Variants in MARK1 observed in about 807,000 individuals in gnomAD.
MARK1 encodes microtubule affinity regulating kinase 1.
MARK1 carries 40 observed loss-of-function variants against 96.3 expected under a neutral mutation model. The ratio of observed to expected loss-of-function variants is 0.42; its 90% CI spans 0.32 to 0.54. The LOEUF (loss-of-function observed/expected upper bound fraction) is 0.54, where lower values mean the gene tolerates loss of function less well. Among genes scored for constraint, MARK1 ranks in the 20% least tolerant of loss-of-function variants. MARK1 has a pLI of 0.16. For synonymous variants in MARK1, 317 were observed against 341.2 expected (o/e 0.93, Z 0.78); for missense variants, 719 against 984.6 (o/e 0.73, Z 3.61).
intron 11 of MARK1, among the ~76,000 whole-genome samples, chr1:220,635,122 C>T (rs1407236185): frequency 2.6e-5 from 4 of 151,938 alleles, no homozygotes; most frequent in Non-Finnish European, 5.9e-5. Context: ...GCTGTTATTT[C>T]GTATTTTGAC....
chr1:220,535,433 CAA>C (rs1178843936), intron 1 of MARK1, among the ~76,000 whole-genome samples: 6 of 152,038 alleles, frequency 3.9e-5, no homozygotes, highest in Middle Eastern at 3.4e-3. Flanking sequence ...TTTTTTAAAT[CAA>C]GTTTGCATAT....
intron 3 of MARK1, among the ~76,000 whole-genome samples, chr1:220,591,660 G>A (rs1046593144): frequency 6.6e-6 from 1 of 152,134 alleles, no homozygotes; most frequent in African/African-American, 2.4e-5. Flanking sequence ...ATTATTAAAA[G>A]TTATATAAAC....
chr1:220,545,168 G>C (rs1661396175), intron 1 of MARK1, among the ~76,000 whole-genome samples: 1 of 152,210 alleles, frequency 6.6e-6, no homozygotes, highest in African/African-American at 2.4e-5. Context: ...GGGCATTCGG[G>C]GTGGAAGGTG....
intron 1 of MARK1, among the ~76,000 whole-genome samples, chr1:220,552,630 T>C (rs1240989677): frequency 6.6e-6 from 1 of 152,190 alleles, no homozygotes; most frequent in African/African-American, 2.4e-5. Flanking sequence ...TGGAATACCA[T>C]GATGCTAAAG....
At chr1:220,556,137 C>T (rs572655381) in intron 1 of MARK1, among the ~76,000 whole-genome samples, 1 of 152,156 alleles carries the variant, frequency 6.6e-6, no homozygotes, top group South Asian at 2.1e-4. Context: ...ACGGTATCAG[C>T]ACCATCTGTG....
At chr1:220,611,406 C>G (rs931900100) in intron 6 of MARK1, among the ~76,000 whole-genome samples, 122 of 152,368 alleles carry the variant, frequency 8.0e-4, no homozygotes, top group African/African-American at 2.8e-3. Flanking sequence ...ATCACCTTGT[C>G]TGCTGGTTGC....
chr1:220,555,975 C>G (rs1031003615), intron 1 of MARK1, among the ~76,000 whole-genome samples: 2 of 152,236 alleles, frequency 1.3e-5, no homozygotes, highest in South Asian at 2.1e-4. Context: ...AGTTTATTAA[C>G]TACATAACTG....
intron 6 of MARK1, among the ~76,000 whole-genome samples, chr1:220,608,862 G>A (rs147986140): frequency 4.5e-4 from 68 of 152,260 alleles, no homozygotes; most frequent in African/African-American, 1.5e-3. Flanking sequence ...GTAGTTGTGC[G>A]GTTTTGAGTG....
intron 1 of MARK1, among the ~76,000 whole-genome samples, chr1:220,535,587 C>A (rs942938885): frequency 1.3e-5 from 2 of 152,030 alleles, no homozygotes; most frequent in Non-Finnish European, 2.9e-5. Flanking sequence ...AAATCTTTGT[C>A]AAGACCAATA....
intron 1 of MARK1, among the ~76,000 whole-genome samples, chr1:220,569,366 T>C (rs1348897481): frequency 1.3e-5 from 2 of 152,118 alleles, no homozygotes; most frequent in Non-Finnish European, 2.9e-5. Context: ...TCAACTACTG[T>C]CTTTTAAATT....
At chr1:220,653,527 TAAGA>T (rs1046061462) in intron 16 of MARK1, among the ~76,000 whole-genome samples, 175 bp downstream of exon 16, 1 of 152,108 alleles carries the variant, frequency 6.6e-6, no homozygotes, top group Non-Finnish European at 1.5e-5. Flanking sequence ...TATTTTTCCT[TAAGA>T]GAGAGAAAGG....
intron 1 of MARK1, among the ~76,000 whole-genome samples, chr1:220,569,654 T>C (rs1471096831): frequency 6.6e-6 from 1 of 152,138 alleles, no homozygotes; most frequent in Non-Finnish European, 1.5e-5. Context: ...TGTTGAATAA[T>C]TTATTACTTC....
intron 1 of MARK1, among the ~76,000 whole-genome samples, chr1:220,571,349 GTATT>G (rs1357187250): frequency 6.6e-6 from 1 of 152,172 alleles, no homozygotes; most frequent in East Asian, 1.9e-4. Context: ...AAGGTTGTAA[GTATT>G]ATGTAAAAGA....
chr1:220,601,119 C>T (rs750377922), intron 5 of MARK1, among the ~76,000 whole-genome samples: 2 of 151,886 alleles, frequency 1.3e-5, no homozygotes, highest in African/African-American at 2.4e-5. Flanking sequence ...GGGTTTTCAC[C>T]GTGTTAGCCA....
At chr1:220,615,246 A>G (rs1002577340) in intron 6 of MARK1, among the ~76,000 whole-genome samples, 1 of 152,100 alleles carries the variant, frequency 6.6e-6, no homozygotes. Flanking sequence ...CTTTTCTCCA[A>G]AGAGCCCTGT....
At chr1:220,579,819 C>T (rs756540113) in intron 2 of MARK1, among the ~76,000 whole-genome samples, 9 of 152,136 alleles carry the variant, frequency 5.9e-5, no homozygotes, top group Admixed American at 2.6e-4. Context: ...TTCTGACTTT[C>T]GTTATATGAT....
intron 13 of MARK1, among the ~76,000 whole-genome samples, chr1:220,648,775 G>A (rs771270470): frequency 1.3e-5 from 2 of 152,152 alleles, no homozygotes; most frequent in Non-Finnish European, 2.9e-5. Context: ...GGTACATTTG[G>A]TGCCCATGGG....
chr1:220,616,019 T>TAAA, intron 7 of MARK1, 24 bp downstream of exon 7: 1 of 1,152,998 alleles, frequency 8.7e-7, no homozygotes, highest in Non-Finnish European at 1.2e-6. Flanking sequence ...TGTAATTTTT[T>TAAA]TAAAAAAAAA....
chr1:220,613,242 A>G (rs1038548487), intron 6 of MARK1, among the ~76,000 whole-genome samples: 1 of 152,222 alleles, frequency 6.6e-6, no homozygotes, highest in Non-Finnish European at 1.5e-5. Context: ...AACTTCTTTC[A>G]TGGCAGAAAT....
Sources: allele counts gnomAD v4.1 joint callset (sites outside exome capture counted in the v4.1 genomes callset), GRCh38; gene constraint gnomAD v4.1.1; transcripts MANE v1.5; gene names NCBI Gene and HGNC (gene_info 2026-07-23, HGNC 2026-07-21).